GCSAML: variants seen among roughly 807,000 people sequenced by gnomAD.
GCSAML encodes germinal center associated signaling and motility like, also known as germinal center-associated signaling and motility-like protein.
A neutral mutation model predicts 13.0 loss-of-function variants in GCSAML; 9 were observed. The observed-to-expected ratio is 0.69, with a 90% CI of 0.42 to 1.21. GCSAML has a LOEUF of 1.21. Ranked by LOEUF, GCSAML falls within the 50% of genes most tolerant of loss-of-function variation. The pLI is 0.00. For synonymous variants in GCSAML, 37 were observed against 52.9 expected, an observed-to-expected ratio of 0.70 and a Z score of 1.31; for missense variants, 143 against 153.4, an observed-to-expected ratio of 0.93 and a Z score of 0.36.
intron 4 of GCSAML, among the ~76,000 whole-genome samples, chr1:247,570,780 G>A (rs781379615): frequency 1.8e-4 from 28 of 152,030 alleles, no homozygotes; most frequent in African/African-American, 5.6e-4. Flanking sequence ...CTTCTGTCTC[G>A]TTGATCTGTC....
At chr1:247,534,885 G>A (rs1292744638) in intron 2 of GCSAML, among the ~76,000 whole-genome samples, 6 of 152,160 alleles carry the variant, frequency 3.9e-5, no homozygotes, top group Non-Finnish European at 5.9e-5. Context: ...AAATTCACAC[G>A]TGGAAGCTGT....
At chr1:247,551,428 A>C (rs1422893543) in intron 1 of GCSAML, among the ~76,000 whole-genome samples, 1 of 152,224 alleles carries the variant, frequency 6.6e-6, no homozygotes, top group Non-Finnish European at 1.5e-5. Context: ...TCTGATAATG[A>C]AGGGCCTTCA....
chr1:247,568,380 G>C (rs1406606818), intron 4 of GCSAML, among the ~76,000 whole-genome samples: 4 of 152,100 alleles, frequency 2.6e-5, no homozygotes, highest in Non-Finnish European at 5.9e-5. Flanking sequence ...TCCAGTTTCA[G>C]TTTTCTGCAT....
intron 2 of GCSAML, among the ~76,000 whole-genome samples, chr1:247,559,428 A>G (rs1203454879): frequency 6.9e-6 from 1 of 145,090 alleles, no homozygotes; most frequent in Non-Finnish European, 1.5e-5. Context: ...TTATCATGCC[A>G]TCTTCTGTCC....
chr1:247,536,077 GA>G (rs2103013992), intron 2 of GCSAML: 1 of 151,584 alleles, frequency 6.6e-6, no homozygotes, highest in Non-Finnish European at 1.5e-5. Context: ...ATTTTAACTG[GA>G]ATTACCAGAA....
chr1:247,551,239 C>A (rs1285544693), intron 1 of GCSAML, among the ~76,000 whole-genome samples: 1 of 152,088 alleles, frequency 6.6e-6, no homozygotes, highest in Admixed American at 6.6e-5. Flanking sequence ...GAGGAATTGC[C>A]ATTTGGATTG....
chr1:247,513,192 TCA>T (rs1666101601), intron 1 of GCSAML, among the ~76,000 whole-genome samples: 1 of 152,206 alleles, frequency 6.6e-6, no homozygotes, highest in African/African-American at 2.4e-5. Flanking sequence ...TGCCTTTCTT[TCA>T]GAGATGCCCT....
chr1:247,531,243 A>G, intron 2 of GCSAML: 1 of 357,750 alleles, frequency 2.8e-6, no homozygotes, highest in Admixed American at 4.4e-5. Context: ...GCGTCCTGGA[A>G]TCCACCCGCT....
At chr1:247,532,869 CTGGG>C (rs973915623) in intron 2 of GCSAML, among the ~76,000 whole-genome samples, 2 of 49,114 alleles carry the variant, frequency 4.1e-5, no homozygotes, top group African/African-American at 1.7e-4. Flanking sequence ...TAATAAAAGA[CTGGG>C]TGGGGGGTGT....
upstream of GCSAML, among the ~76,000 whole-genome samples, chr1:247,547,104 A>G (rs1667612497): frequency 6.6e-6 from 1 of 150,732 alleles, no homozygotes. Flanking sequence ...CCCTGTCTCA[A>G]AGACAAAAAC....
intron 1 of GCSAML, among the ~76,000 whole-genome samples, chr1:247,524,123 A>G (rs1666560241): frequency 6.6e-6 from 1 of 152,168 alleles, no homozygotes; most frequent in Admixed American, 6.5e-5. Flanking sequence ...GGCCATTTCT[A>G]AGCATAACTC....
At chr1:247,547,704 T>C (rs1270657529), upstream of GCSAML, among the ~76,000 whole-genome samples, 3 of 152,204 alleles carry the variant, frequency 2.0e-5, no homozygotes, top group African/African-American at 7.2e-5. Flanking sequence ...AGGACAGCAA[T>C]GGCGGAACAC....
intron 1 of GCSAML, among the ~76,000 whole-genome samples, chr1:247,553,174 G>C (rs1667839986): frequency 6.6e-6 from 1 of 152,014 alleles, no homozygotes; most frequent in Non-Finnish European, 1.5e-5. Flanking sequence ...TTCTTTGTTA[G>C]ATAGATTTCT....
intron 2 of GCSAML, among the ~76,000 whole-genome samples, chr1:247,563,046 C>CA (rs1360611560): frequency 3.4e-5 from 5 of 147,828 alleles, no homozygotes. Flanking sequence ...GACGGGGTCT[C>CA]ACCGTGTTGG....
chr1:247,566,542 CTAT>C (rs1668375886), intron 4 of GCSAML, among the ~76,000 whole-genome samples: 1 of 152,084 alleles, frequency 6.6e-6, no homozygotes, highest in Non-Finnish European at 1.5e-5. Flanking sequence ...TGTGTCCAGC[CTAT>C]TATTTTAATT....
At chr1:247,540,084 C>G in intron 2 of GCSAML, among the ~76,000 whole-genome samples, 1 of 151,694 alleles carries the variant, frequency 6.6e-6, no homozygotes, top group Non-Finnish European at 1.5e-5. Context: ...CTCTCTCTCT[C>G]TTTTTGATAC....
chr1:247,531,840 C>T (rs745498893), intron 2 of GCSAML: 1 of 1,614,162 alleles, frequency 6.2e-7, no homozygotes, highest in East Asian at 2.2e-5. Flanking sequence ...TCAACACGGC[C>T]CGGGCAATGT....
intron 1 of GCSAML, among the ~76,000 whole-genome samples, chr1:247,522,775 C>T (rs921930196): frequency 2.0e-5 from 3 of 152,122 alleles, no homozygotes; most frequent in Admixed American, 6.6e-5. Flanking sequence ...ACAAACACTG[C>T]GGAAGGCCGC....
upstream of GCSAML, among the ~76,000 whole-genome samples, chr1:247,547,468 G>A (rs114791138): frequency 4.9e-3 from 753 of 152,344 alleles, 7 homozygotes; most frequent in South Asian, 7.5e-3. Flanking sequence ...CTGTCATTCG[G>A]TGACTAAAAA....
Sources: gnomAD v4.1 joint callset for allele counts (sites outside exome capture counted in the v4.1 genomes callset) on GRCh38, gnomAD v4.1.1 for gene constraint, MANE v1.5 for transcripts, NCBI Gene and HGNC (gene_info 2026-07-23, HGNC 2026-07-21) for gene names.